TMEM150C: variants seen among roughly 807,000 people sequenced by gnomAD.
TMEM150C encodes the protein tentonin 3.
In TMEM150C, 10 loss-of-function variants were observed where a neutral mutation model predicts 29.9. That is an observed-to-expected ratio of 0.33 (90% CI 0.21 to 0.57). The LOEUF (loss-of-function observed/expected upper bound fraction) is 0.57. Ranked by LOEUF, TMEM150C falls within the 20% of genes least tolerant of loss-of-function variation. TMEM150C has a pLI of 0.88. For synonymous variants in TMEM150C, 101 were observed against 112.5 expected (o/e 0.90, Z 0.64); for missense variants, 251 against 303.6 (o/e 0.83, Z 1.29).
rs70964776 is a variant in TMEM150C, at chr4:82,494,783, A to ATTTT, written c.363+1281_363+1284dup. On this transcript the variant is annotated intron_variant, in intron 6 of 7. Coordinates refer to ENST00000449862, the MANE Select transcript of TMEM150C (RefSeq NM_001080506.3). ...TGCATGTTAGGAACCAATGTTCCTA[A>ATTTT]TTTTTTTTTTTTTTTTTTTTGTGAG... 156 of 188,044 alleles carry ATTTT rather than the reference A, an allele frequency of 8.3e-4. 1 individual carries two copies. The highest frequency in any genetic ancestry group is 1.7e-3 in the Admixed American group (29 of 17,136). The allele number at this position is 188,044 out of a possible 1,614,324, so 11.6% of individuals were successfully genotyped here.
intron 1 of TMEM150C, among the ~76,000 whole-genome samples, chr4:82,530,384 C>T (rs928370019): frequency 2.0e-5 from 3 of 151,954 alleles, no homozygotes; most frequent in Non-Finnish European, 2.9e-5. Context: ...AGTGAAACCC[C>T]GTCTCTACTA....
chr4:82,551,268 T>C (rs111409086), intron 1 of TMEM150C, among the ~76,000 whole-genome samples: 1,838 of 152,268 alleles, frequency 0.012, 43 homozygotes, highest in African/African-American at 0.042. Flanking sequence ...TTTTTCTCCA[T>C]AGCACATACA....
chr4:82,545,625 T>C, intron 1 of TMEM150C, among the ~76,000 whole-genome samples: 1 of 152,136 alleles, frequency 6.6e-6, no homozygotes, highest in East Asian at 1.9e-4. Context: ...TATGAATCTA[T>C]ACTTAGAAAA....
intron 1 of TMEM150C, among the ~76,000 whole-genome samples, chr4:82,531,248 C>A (rs954555725): frequency 4.6e-5 from 7 of 151,988 alleles, no homozygotes; most frequent in African/African-American, 1.2e-4. Flanking sequence ...GAGATGCCTT[C>A]GAGACATTTA....
intron 7 of TMEM150C, among the ~76,000 whole-genome samples, chr4:82,489,318 G>C (rs1056082310): frequency 2.0e-5 from 3 of 152,092 alleles, no homozygotes; most frequent in Non-Finnish European, 4.4e-5. Flanking sequence ...TCTGTGTGGG[G>C]CTAAGCGGAG....
chr4:82,526,708 T>C (rs995837645), intron 1 of TMEM150C, among the ~76,000 whole-genome samples: 7 of 152,202 alleles, frequency 4.6e-5, no homozygotes, highest in Non-Finnish European at 5.9e-5. Flanking sequence ...TTATGCTTTA[T>C]GACACTCACC....
At chr4:82,497,810 C>T (rs761747962) in intron 5 of TMEM150C, among the ~76,000 whole-genome samples, 3 of 152,054 alleles carry the variant, frequency 2.0e-5, no homozygotes, top group African/African-American at 7.2e-5. Context: ...ATAGGCACAA[C>T]GTCTTATTAA....
chr4:82,518,636 G>A lies in TMEM150C; in HGVS notation c.-10-13969C>T, dbSNP rs547424127. Among the ~76,000 whole-genome samples the A allele has an allele frequency of 1.3e-3, 192 of 152,272 alleles. 1 individual carries two copies. The highest frequency in any genetic ancestry group is 4.5e-3 in the African/African-American group (186 of 41,558). Reference sequence around the variant, plus strand: ...GATCATCCTTTGAGACATACGAGGGGTTTCTCTTTTTGTTCCCTTTACCAT... The same window carrying A: ...GATCATCCTTTGAGACATACGAGGGATTTCTCTTTTTGTTCCCTTTACCAT... On this transcript the variant is annotated intron_variant, in intron 1 of 7. Transcript: ENST00000449862.
intron 1 of TMEM150C, among the ~76,000 whole-genome samples, chr4:82,530,544 G>A (rs1377917928): frequency 2.0e-5 from 3 of 152,082 alleles, no homozygotes; most frequent in South Asian, 4.1e-4. Flanking sequence ...ATGACAAAGC[G>A]AGACTCTGTC....
At chr4:82,562,001 T>G (rs1206805695), upstream of TMEM150C, 1 of 1,117,152 alleles carries the variant, frequency 9.0e-7, no homozygotes, top group Non-Finnish European at 1.1e-6. Context: ...GGCGCTTCCT[T>G]CAGGAAGGGG....
At chr4:82,533,863 A>C (rs1375336382) in intron 1 of TMEM150C, among the ~76,000 whole-genome samples, 1 of 152,196 alleles carries the variant, frequency 6.6e-6, no homozygotes, top group Non-Finnish European at 1.5e-5. Flanking sequence ...AAAGTTACCT[A>C]TCAGTCCAGG....
chr4:82,550,748 C>T (rs1415458246), intron 1 of TMEM150C, among the ~76,000 whole-genome samples: 4 of 151,700 alleles, frequency 2.6e-5, no homozygotes, highest in African/African-American at 9.7e-5. Flanking sequence ...CGAGATCGCA[C>T]CACTGCACTC....
intron 1 of TMEM150C, among the ~76,000 whole-genome samples, chr4:82,513,645 AAG>A (rs1342103682): frequency 1.3e-5 from 2 of 152,228 alleles, no homozygotes; most frequent in African/African-American, 4.8e-5. Context: ...CTGATTTGCA[AAG>A]AGAGATACAA....
intron 1 of TMEM150C, among the ~76,000 whole-genome samples, chr4:82,515,755 A>G (rs77311227): frequency 1.3e-5 from 2 of 151,476 alleles, no homozygotes; most frequent in Non-Finnish European, 1.5e-5. Flanking sequence ...AAAAAAAAGA[A>G]TCTCTTCTAG....
At chr4:82,545,204 G>A (rs182325948) in intron 1 of TMEM150C, among the ~76,000 whole-genome samples, 8 of 152,244 alleles carry the variant, frequency 5.3e-5, no homozygotes, top group Non-Finnish European at 7.4e-5. Flanking sequence ...CCCCGTGATC[G>A]CATAGGCTTC....
At chr4:82,502,830 C>A in intron 4 of TMEM150C, 36 bp from the exon 5 acceptor site, 2 of 1,588,108 alleles carry the variant, frequency 1.3e-6, no homozygotes, top group Non-Finnish European at 1.7e-6. Context: ...GTTACTATAT[C>A]AAAATCTATA....
At position 82,496,112 on chromosome 4, in the gene TMEM150C, G is replaced by A; in HGVS notation, c.319C>T (p.Leu107=). 1 of 1,613,960 alleles carries A rather than the reference G, an allele frequency of 6.2e-7. No individual in the cohort carries two copies. The highest frequency in any genetic ancestry group is 8.5e-7 in the Non-Finnish European group (1 of 1,179,878). ...GTCATTCCGAAGGAAGCCAGACACA[G>A]AGCCACCAATCCACTAATATTCAGC... ...PWLNISGLVA[L]CLASFGMTLL... Residue 107 remains leucine, a synonymous_variant, in exon 6 of 8, where the codon CTG becomes TTG. Coordinates refer to ENST00000449862, the MANE Select transcript of TMEM150C (RefSeq NM_001080506.3).
At chr4:82,554,393 AT>A (rs1348365424) in intron 1 of TMEM150C, among the ~76,000 whole-genome samples, 1 of 152,248 alleles carries the variant, frequency 6.6e-6, no homozygotes, top group Non-Finnish European at 1.5e-5. Flanking sequence ...TTACAATGGT[AT>A]CAACATTTCT....
At chr4:82,548,932 T>C (rs137938261) in intron 1 of TMEM150C, among the ~76,000 whole-genome samples, 274 of 152,292 alleles carry the variant, frequency 1.8e-3, no homozygotes, top group African/African-American at 6.4e-3. Flanking sequence ...AGAGTGGTGA[T>C]AGGTGAGCCA....
Sources: allele counts gnomAD v4.1 joint callset (sites outside exome capture counted in the v4.1 genomes callset), GRCh38; gene constraint gnomAD v4.1.1; transcripts MANE v1.5; gene names NCBI Gene and HGNC (gene_info 2026-07-23, HGNC 2026-07-21).